The following SHLD2 variants were observed in gnomAD, a reference collection of about 807,000 sequenced individuals.
SHLD2 encodes RINN1-REV7-interacting novel NHEJ regulator 2.
A neutral mutation model predicts 73.2 loss-of-function variants in SHLD2; 30 were observed. The observed-to-expected ratio is 0.41, with a 90% CI of 0.31 to 0.56. The LOEUF (loss-of-function observed/expected upper bound fraction) is 0.56, where lower values mean the gene tolerates loss of function less well. Ranked by LOEUF, SHLD2 falls within the 20% of genes least tolerant of loss-of-function variation. The probability of loss-of-function intolerance (pLI) is 0.28; values close to 1 mark genes in which losing one functional copy is unlikely to be tolerated. For synonymous variants in SHLD2, 285 were observed against 370.1 expected, an observed-to-expected ratio of 0.77 and a Z score of 2.64; for missense variants, 745 against 1,055.9, an observed-to-expected ratio of 0.71 and a Z score of 4.08.
At chr10:87,173,158 A>G (rs60108328) in intron 6 of SHLD2, among the ~76,000 whole-genome samples, 15,921 of 151,198 alleles carry the variant, frequency 0.11, 956 homozygotes, top group Admixed American at 0.15. Context: ...CTCCCAAGTA[A>G]GTGGAATTAC....
At chr10:87,174,567 C>CAA (rs5786765) in intron 6 of SHLD2, among the ~76,000 whole-genome samples, 1,669 of 113,266 alleles carry the variant, frequency 0.015, 39 homozygotes, top group African/African-American at 0.047. Flanking sequence ...GATTTTCCAC[C>CAA]AAAAAAAAAA....
intron 2 of SHLD2, among the ~76,000 whole-genome samples, chr10:87,107,107 A>AAAAG (rs56386341): frequency 9.3e-4 from 136 of 146,502 alleles, no homozygotes; most frequent in African/African-American, 2.8e-3. Context: ...AAAAAAAAAA[A>AAAAG]AGAGATTTAA....
At chr10:87,189,847 A>C (rs1848921438) in intron 9 of SHLD2, among the ~76,000 whole-genome samples, 1 of 152,184 alleles carries the variant, frequency 6.6e-6, no homozygotes, top group Non-Finnish European at 1.5e-5. Flanking sequence ...CTTTTATATA[A>C]AAAATGAATA....
At chr10:87,132,228 C>T (rs1844481060) in intron 2 of SHLD2, among the ~76,000 whole-genome samples, 1 of 152,052 alleles carries the variant, frequency 6.6e-6, no homozygotes, top group East Asian at 1.9e-4. Context: ...GTAATGATGT[C>T]AGAATTGGTG....
At chr10:87,165,345 C>T (rs1050693989) in intron 4 of SHLD2, among the ~76,000 whole-genome samples, 82 of 152,168 alleles carry the variant, frequency 5.4e-4, no homozygotes, top group African/African-American at 1.8e-3. Context: ...CAAAGTATCT[C>T]CCCAAGATAC....
intron 2 of SHLD2, among the ~76,000 whole-genome samples, chr10:87,102,687 C>T (rs902235853): frequency 2.0e-5 from 3 of 151,448 alleles, no homozygotes; most frequent in African/African-American, 7.3e-5. Context: ...CCAGCCTGGG[C>T]GACAGAGCAA....
chr10:87,144,616 A>ATTTTTTTTT (rs548218721), intron 2 of SHLD2, among the ~76,000 whole-genome samples: 10 of 89,498 alleles, frequency 1.1e-4, no homozygotes, highest in African/African-American at 1.6e-4. Flanking sequence ...GCATTTACTA[A>ATTTTTTTTT]TTTTTTTTTT....
At chr10:87,135,480 C>T (rs1295751051) in intron 2 of SHLD2, among the ~76,000 whole-genome samples, 1 of 151,946 alleles carries the variant, frequency 6.6e-6, no homozygotes, top group East Asian at 1.9e-4. Flanking sequence ...GAAGAACATG[C>T]AGGTTAAGTA....
At chr10:87,144,117 C>T (rs1044660295) in intron 2 of SHLD2, among the ~76,000 whole-genome samples, 3 of 152,226 alleles carry the variant, frequency 2.0e-5, no homozygotes, top group Non-Finnish European at 4.4e-5. Context: ...CCCACTTCGG[C>T]CTCCCAAAGT....
Position 87,190,601 on chromosome 10 carries a change from A to G in SHLD2, c.2633A>G (p.Asn878Ser). The change falls in exon 10 of 10, where the codon AAC becomes AGC. Residue 878 changes from asparagine (N) to serine (S), a missense_variant. Asn to Ser is a conservative substitution (Grantham distance 46). Around this residue, in one of 5 missense-constraint regions of SHLD2, gnomAD observed 418 missense variants for 567.8 expected, o/e 0.74. Transcript: ENST00000298786. ...CAGAGCCTTTTTGTGTTAGATGAAA[A>G]CAGCTATCCATTACAACAAGATTTC... The part of the protein sequence containing the change: ...KIQSLFVLDE[N>S]SYPLQQDFSL... The G allele has an allele frequency of 6.2e-7, 1 of 1,611,896 alleles. No individual in the cohort carries two copies. Among genetic ancestry groups the G allele is most frequent in the Non-Finnish European group, 8.5e-7 (1 of 1,179,790 alleles).
intron 4 of SHLD2, among the ~76,000 whole-genome samples, chr10:87,158,631 T>A (rs1381949735): frequency 7.9e-5 from 12 of 152,184 alleles, no homozygotes; most frequent in Non-Finnish European, 1.3e-4. Context: ...CTTATTCTCC[T>A]GTCTACCACT....
At chr10:87,114,844 G>A (rs1456343206) in intron 2 of SHLD2, among the ~76,000 whole-genome samples, 1 of 152,200 alleles carries the variant, frequency 6.6e-6, no homozygotes, top group Non-Finnish European at 1.5e-5. Context: ...ATATTTTGGA[G>A]ATAGTTTGAT....
At chr10:87,115,533 C>T (rs1247157313) in intron 2 of SHLD2, 5 of 151,704 alleles carry the variant, frequency 3.3e-5, no homozygotes, top group African/African-American at 4.8e-5. Context: ...CTTTTAACAT[C>T]ATGAGGTAGT....
At chr10:87,155,020 C>T (rs111547504) in intron 3 of SHLD2, among the ~76,000 whole-genome samples, 2,294 of 152,178 alleles carry the variant, frequency 0.015, 58 homozygotes, top group African/African-American at 0.052. Flanking sequence ...CTGCAAGCTC[C>T]GCCTCCCGGG....
intron 4 of SHLD2, among the ~76,000 whole-genome samples, chr10:87,158,801 A>G (rs1192560654): frequency 6.6e-6 from 1 of 150,848 alleles, no homozygotes; most frequent in Non-Finnish European, 1.5e-5. Flanking sequence ...ACTTGTGGTT[A>G]TGGTCACTGG....
intron 2 of SHLD2, among the ~76,000 whole-genome samples, chr10:87,122,173 C>CAAAAAAAAAAAAAA (rs10706744): frequency 1.2e-5 from 1 of 86,420 alleles, no homozygotes; most frequent in African/African-American, 4.7e-5. Context: ...CACTGACTGT[C>CAAAAAAAAAAAAAA]AAAAAAAAAA....
At chr10:87,146,237 C>T (rs1351716720) in intron 2 of SHLD2, among the ~76,000 whole-genome samples, 2 of 152,102 alleles carry the variant, frequency 1.3e-5, no homozygotes, top group Non-Finnish European at 2.9e-5. Flanking sequence ...TGGTCCAGGA[C>T]GGCTTTAAAT....
chr10:87,138,308 GAAAGA>G (rs1214414979), intron 2 of SHLD2, among the ~76,000 whole-genome samples: 41 of 138,742 alleles, frequency 3.0e-4, no homozygotes, highest in Admixed American at 6.6e-4. Flanking sequence ...CAAAAACAAA[GAAAGA>G]AAAGAAAAGA....
In SHLD2 at chr10:87,151,902, G is replaced by A; in HGVS notation, c.548G>A (p.Ser183Asn). ...GCAGCTGTGTTGGATTTGGTTTGTA[G>A]TACTGAAAAAATTAATATAGGGCCT... ...KCAAVLDLVC[S>N]TEKINIGPEV... is the part of the protein sequence containing the mutation. Residue 183 changes from serine to asparagine, a missense_variant, in exon 3 of 10, where the codon AGT (serine) becomes AAT (asparagine). Transcript: ENST00000298786. 6.2e-7 allele frequency: 1 copy of A among 1,611,398 alleles called. No individual in the cohort carries two copies. Among genetic ancestry groups the A allele is most frequent in the South Asian group, 1.1e-5 (1 of 90,942 alleles).
Sources: gnomAD v4.1 joint callset for allele counts (sites outside exome capture counted in the v4.1 genomes callset) on GRCh38, gnomAD v4.1.1 for gene constraint, gnomAD v4.1.1 regional missense constraint, MANE v1.5 for transcripts, NCBI Gene and HGNC (gene_info 2026-07-23, HGNC 2026-07-21) for gene names.